DHX15: variants seen among roughly 807,000 people sequenced by gnomAD.
DHX15 encodes the protein ATP-dependent RNA helicase DHX15.
Under a neutral mutation model 94.4 loss-of-function variants are expected in DHX15, and 11 were observed. The observed-to-expected ratio is 0.12, with a 90% CI of 0.07 to 0.19. The LOEUF (loss-of-function observed/expected upper bound fraction) is 0.19. Ranked by LOEUF, DHX15 falls within the 10% of genes least tolerant of loss-of-function variation. DHX15 has a pLI of 1.00. For synonymous variants in DHX15, 338 were observed against 329.9 expected (o/e 1.02, Z -0.27); for missense variants, 304 against 988.5 (o/e 0.31, Z 9.29).
chr4:24,553,064 T>C (rs976817783), intron 5 of DHX15, among the ~76,000 whole-genome samples: 1 of 152,262 alleles, frequency 6.6e-6, no homozygotes, highest in African/African-American at 2.4e-5. Context: ...GGCTCACGCC[T>C]GTAATCCCAG....
chr4:24,527,778 G>A lies in DHX15; in HGVS notation c.*146C>T. 1.8e-6 allele frequency: 1 copy of A among 566,680 alleles called. No homozygotes were observed. The highest frequency in any genetic ancestry group is 3.0e-5 in the Admixed American group (1 of 32,980). The allele number at this position is 566,680 out of a possible 1,614,324, so 35.1% of individuals were successfully genotyped here. A position where few individuals can be genotyped will look rare whatever the true frequency, so the allele number is the denominator to read the frequency against. On this transcript the variant is annotated 3_prime_UTR_variant, in exon 14 of 14. Coordinates refer to ENST00000336812, the MANE Select transcript of DHX15 (RefSeq NM_001358.3). ...CATAAATGTTTAATTTATGAAATCA[G>A]AATGGAATATTTACTGTAAAGAAAA...
chr4:24,543,060 A>G (rs370609421), intron 6 of DHX15, 34 bp from the exon 7 acceptor site: 136 of 1,461,466 alleles, frequency 9.3e-5, no homozygotes, highest in South Asian at 2.8e-4. Context: ...ATTATATTAC[A>G]TATCAAATAA....
intron 6 of DHX15, among the ~76,000 whole-genome samples, chr4:24,547,937 ATATATCTATATCTATATC>A (rs1194457632): frequency 0.039 from 1,309 of 33,914 alleles, 28 homozygotes; most frequent in African/African-American, 0.12. Flanking sequence ...ATATATATAT[ATATATCTATATCTATATC>A]TATATCTATC....
chr4:24,584,262 G>A (rs2109015623), intron 1 of DHX15, 61 bp downstream of exon 1: 2 of 1,530,442 alleles, frequency 1.3e-6, no homozygotes, highest in South Asian at 2.3e-5. Context: ...GCCCCGGCCC[G>A]CTCCCTGCCA....
intron 3 of DHX15, among the ~76,000 whole-genome samples, chr4:24,565,605 A>G (rs1013668365): frequency 6.6e-6 from 1 of 152,222 alleles, no homozygotes; most frequent in Non-Finnish European, 1.5e-5. Flanking sequence ...TCCGGTGACA[A>G]GTCACGTCAA....
chr4:24,577,015 T>C (rs1161648561), intron 1 of DHX15, among the ~76,000 whole-genome samples: 1 of 152,118 alleles, frequency 6.6e-6, no homozygotes, highest in Non-Finnish European at 1.5e-5. Flanking sequence ...AGGTCCAAAT[T>C]GAGTAAAAGA....
intron 11 of DHX15, among the ~76,000 whole-genome samples, chr4:24,535,821 C>A (rs1045451343): frequency 1.3e-5 from 2 of 152,064 alleles, no homozygotes; most frequent in African/African-American, 4.8e-5. Flanking sequence ...TCAACAGGCT[C>A]CCCATTTTAA....
chr4:24,575,716 A>G (rs181879263), intron 2 of DHX15, among the ~76,000 whole-genome samples: 1 of 152,232 alleles, frequency 6.6e-6, no homozygotes, highest in Non-Finnish European at 1.5e-5. Context: ...GTCTATCAAC[A>G]GGGGTCTAGT....
intron 5 of DHX15, among the ~76,000 whole-genome samples, chr4:24,550,119 A>AAAAAAAAAAAAAAAAAAAG (rs1721560277): frequency 6.9e-6 from 1 of 144,604 alleles, no homozygotes; most frequent in Non-Finnish European, 1.5e-5. Flanking sequence ...AAAAAAAAAA[A>AAAAAAAAAAAAAAAAAAAG]AAAACGGTAA....
chr4:24,547,951 A>G (rs201637399), intron 6 of DHX15, among the ~76,000 whole-genome samples: 7 of 77,546 alleles, frequency 9.0e-5, no homozygotes, highest in African/African-American at 3.8e-4. Context: ...ATCTATATCT[A>G]TATCTATATC....
In DHX15 at chr4:24,527,550, G is replaced by T. The variant is rs1474348354; in HGVS notation, c.*374C>A. On this transcript the variant is annotated 3_prime_UTR_variant, in exon 14 of 14. Transcript: ENST00000336812. ...GATTGTGTCTACATAAGCACAAGTT[G>T]TAACATTTCACAACTTCTAAAAGGA... 1 of 171,448 alleles carries T rather than the reference G, an allele frequency of 5.8e-6. No individual in the cohort carries two copies. Among genetic ancestry groups the T allele is most frequent in the African/African-American group, 2.4e-5 (1 of 42,032 alleles). The allele number at this position is 171,448 out of a possible 1,614,324, so 10.6% of individuals were successfully genotyped here.
At chr4:24,530,181 T>C in intron 12 of DHX15, 1 of 237,384 alleles carries the variant, frequency 4.2e-6, no homozygotes, top group South Asian at 5.8e-5. Context: ...ACTTCATGGG[T>C]CCACAGAGCC....
Position 24,527,805 on chromosome 4 carries a change from T to C in DHX15, c.*119A>G, listed in dbSNP as rs769948375. 43 of 635,552 alleles carry C rather than the reference T, an allele frequency of 6.8e-5. No homozygotes were observed. Among genetic ancestry groups the C allele is most frequent in the Non-Finnish European group, 1.0e-4 (37 of 363,028 alleles). 39.4% of individuals were successfully genotyped at this position (635,552 alleles called of 1,614,324 possible). On this transcript the variant is annotated 3_prime_UTR_variant, in exon 14 of 14. Transcript: ENST00000336812. ...ATGGAATATTTACTGTAAAGAAAAA[T>C]TAAAAAGCTTTCAAATAAAGGCCAT...
At chr4:24,538,573 C>T (rs367584104) in intron 10 of DHX15, 2 of 152,134 alleles carry the variant, frequency 1.3e-5, no homozygotes, top group East Asian at 1.9e-4. Context: ...CAAAGCATTA[C>T]AAGCTCAGCA....
intron 6 of DHX15, among the ~76,000 whole-genome samples, chr4:24,548,299 C>T (rs1034456132): frequency 7.2e-5 from 11 of 152,008 alleles, no homozygotes; most frequent in Admixed American, 5.9e-4. Context: ...CGCGCTACCA[C>T]GCCCGGCTAA....
intron 5 of DHX15, among the ~76,000 whole-genome samples, chr4:24,550,872 A>T (rs1721587325): frequency 6.6e-6 from 1 of 152,232 alleles, no homozygotes; most frequent in African/African-American, 2.4e-5. Context: ...AGTACTTTTA[A>T]AACAACTGGC....
intron 3 of DHX15, among the ~76,000 whole-genome samples, chr4:24,559,556 C>T (rs745449310): frequency 2.6e-5 from 4 of 152,084 alleles, no homozygotes; most frequent in African/African-American, 7.2e-5. Context: ...GTTTTACTAA[C>T]TTTCTTAGTA....
intron 3 of DHX15, among the ~76,000 whole-genome samples, chr4:24,560,575 T>C (rs1335946010): frequency 1.3e-5 from 2 of 152,138 alleles, no homozygotes; most frequent in Non-Finnish European, 2.9e-5. Context: ...ATATCCAAGG[T>C]GCTAATTCTG....
chr4:24,573,204 C>T (rs1431387670), intron 2 of DHX15, among the ~76,000 whole-genome samples: 3 of 152,234 alleles, frequency 2.0e-5, no homozygotes, highest in African/African-American at 7.2e-5. Flanking sequence ...GGCCACTGTA[C>T]CCAGCCAGGT....
Sources: allele counts gnomAD v4.1 joint callset (sites outside exome capture counted in the v4.1 genomes callset), GRCh38; gene constraint gnomAD v4.1.1; transcripts MANE v1.5; gene names NCBI Gene and HGNC (gene_info 2026-07-23, HGNC 2026-07-21).